The following SMTN variants were observed in gnomAD, a reference collection of about 807,000 sequenced individuals.
The protein encoded by SMTN is smoothelin.
Under a neutral mutation model 102.0 loss-of-function variants are expected in SMTN, and 58 were observed. The observed-to-expected ratio is 0.57, with a 90% CI of 0.46 to 0.71. The LOEUF is 0.71. SMTN is among the 30% of genes least tolerant of loss of function. The pLI, the probability that SMTN is intolerant of heterozygous loss-of-function variation, is 0.00. For missense variants in SMTN, 1,185 were observed against 1,241.7 expected (o/e 0.95, Z 0.69); for synonymous variants, 478 against 497.9 (o/e 0.96, Z 0.53).
chr22:31,081,660 G>C (rs1333020728), intron 1 of SMTN, among the ~76,000 whole-genome samples: 1 of 152,224 alleles, frequency 6.6e-6, no homozygotes, highest in Admixed American at 6.5e-5. Context: ...CCACAGGGGC[G>C]CTAGTCTGTG....
At chr22:31,087,808 C>T (rs1276426050) in intron 2 of SMTN, 157 bp from the exon 3 acceptor site, 6 of 706,728 alleles carry the variant, frequency 8.5e-6, no homozygotes, top group Non-Finnish European at 1.3e-5. Context: ...CTGGGTCTAC[C>T]CCCGGGACCC....
chr22:31,100,088 G>A (rs530467120), intron 19 of SMTN, among the ~76,000 whole-genome samples, 192 bp downstream of exon 19: 7 of 149,300 alleles, frequency 4.7e-5, no homozygotes, highest in East Asian at 4.1e-4. Context: ...CCAGGTGCCC[G>A]CCGGAACGAA....
At chr22:31,093,513 A>T in intron 11 of SMTN, 1 of 674,566 alleles carries the variant, frequency 1.5e-6, no homozygotes, top group Non-Finnish European at 2.8e-6. Flanking sequence ...TGGGCCGGGC[A>T]CTGGAGGAGC....
At position 31,104,409 on chromosome 22, in the gene SMTN, G is replaced by A. The variant is rs781483976; in HGVS notation, c.*114G>A. On this transcript the variant is annotated 3_prime_UTR_variant, in exon 21 of 21. Coordinates refer to ENST00000333137, the MANE Select transcript of SMTN (RefSeq NM_134269.3). ...CCAAGTGTGTCTTCACCTATGTGCA[G>A]TCGCTCTACAACCACCTGCGACGCC... 2.6e-5 allele frequency: 42 copies of A among 1,614,064 alleles called. No individual in the cohort carries two copies. The highest frequency in any genetic ancestry group is 3.5e-5 in the Non-Finnish European group (41 of 1,180,030).
chr22:31,099,287 C>T, intron 18 of SMTN, 108 bp downstream of exon 18: 1 of 718,192 alleles, frequency 1.4e-6, no homozygotes, highest in East Asian at 2.7e-5. Flanking sequence ...CACTGTGTGG[C>T]CTCACAGGGA....
chr22:31,090,108 C>A lies in SMTN; in HGVS notation c.793C>A (p.Leu265Ile). Residue 265 changes from leucine (L) to isoleucine (I), a missense_variant and splice_region_variant, in exon 8 of 21, where the codon CTT (leucine) becomes ATT (isoleucine). Around this residue, in one of 2 missense-constraint regions of SMTN, gnomAD observed 1,096 missense variants for 1,112.7 expected, o/e 0.98. Coordinates refer to ENST00000333137, the MANE Select transcript of SMTN (RefSeq NM_134269.3). Reference sequence around the variant, plus strand: ...CAGGCCCTGTTCTTCTCCCTTGCAGCTTCTGTCTGGCCCCAAAGAGACCCC... The same window carrying A: ...CAGGCCCTGTTCTTCTCCCTTGCAGATTCTGTCTGGCCCCAAAGAGACCCC... ...PSTEGQVVNK[L>I]LSGPKETPAA... 6.2e-7 allele frequency: 1 copy of A among 1,612,054 alleles called. No individual in the cohort carries two copies. The highest frequency in any genetic ancestry group is 8.5e-7 in the Non-Finnish European group (1 of 1,178,972).
rs771244199 is a variant in SMTN at position 31,090,033 on chromosome 22, A to AGGGGCAGGGATGCCAGGCAAG, written c.792+15_792+35dup. On this transcript the variant is annotated intron_variant, in intron 7 of 20. Transcript: ENST00000333137. ...GTGGTCAACAAGGTGAGTCTGGATG[A>AGGGGCAGGGATGCCAGGCAAG]GGGGCAGGGATGCCAGGCAAGTGAG... 3 of 1,609,882 alleles carry AGGGGCAGGGATGCCAGGCAAG rather than the reference A, an allele frequency of 1.9e-6. No individual in the cohort carries two copies. Among genetic ancestry groups the AGGGGCAGGGATGCCAGGCAAG allele is most frequent in the Admixed American group, 3.4e-5 (2 of 59,688 alleles).
chr22:31,083,237 G>A lies in SMTN; in HGVS notation c.-22G>A, dbSNP rs376143279. 46 of 1,597,618 alleles carry A rather than the reference G, an allele frequency of 2.9e-5. No homozygotes were observed. Among genetic ancestry groups the A allele is most frequent in the Non-Finnish European group, 3.5e-5 (41 of 1,174,370 alleles). On this transcript the variant is annotated 5_prime_UTR_variant, in exon 2 of 21. Coordinates refer to ENST00000333137, the MANE Select transcript of SMTN (RefSeq NM_134269.3). ...CTGGGGATCTCACCAGAAAGGAACC[G>A]ACGGAGCTAGGGGCCAGCGAGATGG...
chr22:31,075,830 G>GTTTTGT (rs919418882), intron 1 of SMTN, among the ~76,000 whole-genome samples: 64 of 152,250 alleles, frequency 4.2e-4, no homozygotes, highest in Admixed American at 1.5e-3. Flanking sequence ...GTTTTGTTTT[G>GTTTTGT]TTTTGTTTTT....
rs199718364 is a variant in SMTN, at chr22:31,097,044, C to T, written c.2073C>T (p.Phe691=). The change falls in exon 15 of 21, where the codon TTC becomes TTT. Residue 691 remains phenylalanine, a synonymous_variant. Transcript: ENST00000333137. ...TARTTTVESS[F]VRRSENGSGS... ...GCACCACCACAGTGGAGTCGAGTTT[C>T]GTGAGGCGCTCGGAGAGTAAGGCCA... 43 of 1,614,140 alleles carry T rather than the reference C, an allele frequency of 2.7e-5. No homozygotes were observed. The highest frequency in any genetic ancestry group is 2.4e-4 in the South Asian group (22 of 91,090).
intron 1 of SMTN, among the ~76,000 whole-genome samples, chr22:31,074,668 T>C (rs2042086044): frequency 1.3e-5 from 2 of 152,156 alleles, no homozygotes; most frequent in South Asian, 4.1e-4. Context: ...TGCACACCAG[T>C]AATCCTAGCT....
intron 2 of SMTN, 110 bp downstream of exon 2, chr22:31,083,419 G>A: frequency 7.6e-7 from 1 of 1,316,260 alleles, no homozygotes; most frequent in South Asian, 1.5e-5. Flanking sequence ...GAAAGGTCAG[G>A]AGGAGGGGGA....
rs760879233 is a variant in SMTN at position 31,090,186 on chromosome 22, G to A, written c.865+6G>A. 6.2e-6 allele frequency: 10 copies of A among 1,606,300 alleles called. No homozygotes were observed. In the Admixed American group the frequency reaches 8.6e-5, roughly 14 times the overall value. On this transcript the variant is annotated splice_donor_region_variant and intron_variant, in intron 8 of 20. Coordinates refer to ENST00000333137, the MANE Select transcript of SMTN (RefSeq NM_134269.3). ...CTCTGACACCAAGAGAGCAGGTGAGGGTCCCAGCAGGGGTAGTCACAGGCA... is the reference window on the plus strand; with the variant it reads ...CTCTGACACCAAGAGAGCAGGTGAGAGTCCCAGCAGGGGTAGTCACAGGCA...
At chr22:31,079,141 G>GA, upstream of SMTN, among the ~76,000 whole-genome samples, 1 of 152,336 alleles carries the variant, frequency 6.6e-6, no homozygotes, top group Non-Finnish European at 1.5e-5. Flanking sequence ...CCCCACGTCT[G>GA]ACATGCAACA....
rs1602670392 is a variant in SMTN at position 31,098,712 on chromosome 22, G to C, written c.2205G>C (p.Leu735=). Reference sequence around the variant, plus strand: ...AGGCCAGCCCACGGGCCGGCAGCCTGGCGGCGCTCGAGAAACGGCAGGCCG... The same window carrying C: ...AGGCCAGCCCACGGGCCGGCAGCCTCGCGGCGCTCGAGAAACGGCAGGCCG... ...EDQASPRAGS[L]AALEKRQAEK... Residue 735 remains leucine (L), a synonymous_variant, in exon 17 of 21, where the codon CTG becomes CTC. Transcript: ENST00000333137. 3 of 1,613,584 alleles carry C rather than the reference G, an allele frequency of 1.9e-6. No homozygotes were observed. The highest frequency in any genetic ancestry group is 1.7e-6 in the Non-Finnish European group (2 of 1,179,946).
rs2043664778 is a variant in SMTN, at chr22:31,097,216, C to G, written c.2090-53C>G. 2.2e-5 allele frequency: 34 copies of G among 1,578,422 alleles called. No individual in the cohort carries two copies. In the South Asian group the frequency reaches 3.7e-4, roughly 17 times the overall value. On this transcript the variant is annotated intron_variant, in intron 15 of 20. Transcript: ENST00000333137. ...CCCTCCATACAGCCTCCCATCCCAT[C>G]TCCTGATGTCCAGCCCAGGCCCTCA...
chr22:31,081,572 CGA>C (rs929598638), intron 1 of SMTN, 116 bp downstream of exon 1: 10 of 152,318 alleles, frequency 6.6e-5, no homozygotes, highest in African/African-American at 2.4e-4. Context: ...CCCACCCATA[CGA>C]GAGGTCTAAG....
chr22:31,100,136 C>T (rs1456991329), intron 19 of SMTN, among the ~76,000 whole-genome samples: 4 of 152,082 alleles, frequency 2.6e-5, no homozygotes, highest in Non-Finnish European at 5.9e-5. Flanking sequence ...GGCCAAAGCC[C>T]ACCAGGTGGC....
At position 31,088,138 on chromosome 22, in the gene SMTN, C is replaced by T. The variant is rs769667874; in HGVS notation, c.200+25C>T. 65 of 1,571,300 alleles carry T rather than the reference C, an allele frequency of 4.1e-5. No individual in the cohort carries two copies. The Admixed American group carries it at 5.7e-4, about 14-fold the overall frequency. On this transcript the variant is annotated intron_variant, in intron 3 of 20. Coordinates refer to ENST00000333137, the MANE Select transcript of SMTN (RefSeq NM_134269.3). ...AGTGAGTAGCGGGGGGTGGAACATGCGGGTGAGAAGGTGAGTGTGAGCCCT... is the reference window on the plus strand; with the variant it reads ...AGTGAGTAGCGGGGGGTGGAACATGTGGGTGAGAAGGTGAGTGTGAGCCCT...
Sources: allele counts gnomAD v4.1 joint callset (sites outside exome capture counted in the v4.1 genomes callset), GRCh38; gene constraint gnomAD v4.1.1; regional missense constraint gnomAD v4.1.1; transcripts MANE v1.5; gene names NCBI Gene and HGNC (gene_info 2026-07-23, HGNC 2026-07-21).